The following UNC5C variants were observed in gnomAD, a reference collection of about 807,000 sequenced individuals.
The protein encoded by UNC5C is netrin receptor UNC5C.
A neutral mutation model predicts 99.8 loss-of-function variants in UNC5C; 47 were observed. The ratio of observed to expected loss-of-function variants is 0.47; its 90% CI spans 0.37 to 0.60. UNC5C has a LOEUF of 0.60. Ranked by LOEUF, UNC5C falls within the 20% of genes least tolerant of loss-of-function variation. UNC5C has a pLI of 0.00. For missense variants in UNC5C, 1,062 were observed against 1,165.9 expected (o/e 0.91, Z 1.30); for synonymous variants, 487 against 452.2 (o/e 1.08, Z -0.98).
intron 1 of UNC5C, among the ~76,000 whole-genome samples, chr4:95,459,084 T>C (rs1483622559): frequency 6.6e-6 from 1 of 152,112 alleles, no homozygotes; most frequent in Non-Finnish European, 1.5e-5. Flanking sequence ...GGGTTATTTG[T>C]CCACTACATC....
chr4:95,279,745 C>A (rs1740986454), intron 3 of UNC5C, among the ~76,000 whole-genome samples: 1 of 152,120 alleles, frequency 6.6e-6, no homozygotes, highest in South Asian at 2.1e-4. Flanking sequence ...CTGAAAGCAG[C>A]ATTGCAGTGG....
intron 12 of UNC5C, among the ~76,000 whole-genome samples, chr4:95,189,028 G>A (rs994853072): frequency 2.0e-5 from 3 of 152,200 alleles, no homozygotes; most frequent in Non-Finnish European, 4.4e-5. Context: ...TATATTTAAT[G>A]TCAGAAGATT....
At chr4:95,517,483 C>T (rs1379066582) in intron 1 of UNC5C, among the ~76,000 whole-genome samples, 5 of 152,072 alleles carry the variant, frequency 3.3e-5, no homozygotes, top group Admixed American at 6.5e-5. Flanking sequence ...AAAAACTGAA[C>T]CAATGCATGC....
At chr4:95,446,485 C>G (rs1747110528) in intron 1 of UNC5C, among the ~76,000 whole-genome samples, 1 of 152,050 alleles carries the variant, frequency 6.6e-6, no homozygotes, top group South Asian at 2.1e-4. Context: ...AAAGAAACTT[C>G]AGGGCGAGGA....
chr4:95,192,307 A>AC (rs1737166383), intron 12 of UNC5C, among the ~76,000 whole-genome samples: 1 of 23,464 alleles, frequency 4.3e-5, no homozygotes. Flanking sequence ...TCCCCTTCTC[A>AC]CCTCCTCCCC....
At chr4:95,290,926 T>A (rs983142370) in intron 3 of UNC5C, among the ~76,000 whole-genome samples, 11 of 152,204 alleles carry the variant, frequency 7.2e-5, no homozygotes, top group Non-Finnish European at 1.0e-4. Context: ...ATTTCTTCAG[T>A]CGTGCCAAGC....
In UNC5C at chr4:95,167,289, C is replaced by G. The variant is rs1182142090; in HGVS notation, c.*1945G>C. 2 of 152,180 alleles carry G rather than the reference C, an allele frequency of 1.3e-5. No homozygotes were observed. The highest frequency in any genetic ancestry group is 2.4e-5 in the African/African-American group (1 of 41,448). The allele number at this position is 152,180 out of a possible 1,614,324, so 9.4% of individuals were successfully genotyped here. A position where few individuals can be genotyped will look rare whatever the true frequency, so the allele number is the denominator to read the frequency against. On this transcript the variant is annotated 3_prime_UTR_variant, in exon 16 of 16. Coordinates refer to ENST00000453304, the MANE Select transcript of UNC5C (RefSeq NM_003728.4). Reference sequence around the variant, plus strand: ...TTGGTTTTGCTACTGGGCTTTGATTCTTTAATCCCCACCTGCTGAATGAAT... The same window carrying G: ...TTGGTTTTGCTACTGGGCTTTGATTGTTTAATCCCCACCTGCTGAATGAAT...
chr4:95,467,854 T>C (rs1191880011), intron 1 of UNC5C, among the ~76,000 whole-genome samples: 1 of 152,172 alleles, frequency 6.6e-6, no homozygotes, highest in East Asian at 1.9e-4. Context: ...TTATACTGTA[T>C]TTTTACAATA....
At chr4:95,393,902 C>T (rs957839973) in intron 1 of UNC5C, among the ~76,000 whole-genome samples, 12 of 148,794 alleles carry the variant, frequency 8.1e-5, no homozygotes, top group African/African-American at 3.0e-4. Flanking sequence ...CCTTTAGACA[C>T]AAAGCCTAGA....
intron 3 of UNC5C, among the ~76,000 whole-genome samples, chr4:95,287,301 A>C (rs977438956): frequency 6.6e-6 from 1 of 152,228 alleles, no homozygotes; most frequent in African/African-American, 2.4e-5. Flanking sequence ...TTTTTAATAA[A>C]TGTAAACCAA....
chr4:95,541,706 C>A (rs111304081), intron 1 of UNC5C, among the ~76,000 whole-genome samples: 119 of 151,764 alleles, frequency 7.8e-4, no homozygotes, highest in African/African-American at 2.6e-3. Context: ...GGATATATTT[C>A]TATTTATGGA....
chr4:95,427,498 A>G (rs1746516822), intron 1 of UNC5C, among the ~76,000 whole-genome samples: 1 of 152,190 alleles, frequency 6.6e-6, no homozygotes, highest in South Asian at 2.1e-4. Flanking sequence ...TGCCACAGTC[A>G]ACCCAGTCTT....
intron 7 of UNC5C, among the ~76,000 whole-genome samples, chr4:95,230,734 A>T (rs779188544): frequency 2.0e-5 from 3 of 151,656 alleles, no homozygotes; most frequent in Non-Finnish European, 4.4e-5. Flanking sequence ...GCTGACAACC[A>T]CTTGCTTCTG....
chr4:95,538,560 T>C (rs1162984457), intron 1 of UNC5C, among the ~76,000 whole-genome samples: 2 of 152,336 alleles, frequency 1.3e-5, no homozygotes, highest in East Asian at 3.9e-4. Context: ...TTTATTTTGC[T>C]GTTCTTAGCA....
rs188876408 is a variant in UNC5C at position 95,237,545 on chromosome 4, A to G, written c.1108+4884T>C. Among the ~76,000 whole-genome samples, 44 of 152,334 alleles carry G rather than the reference A, an allele frequency of 2.9e-4. 1 individual carries two copies. The highest frequency in any genetic ancestry group is 7.9e-4 in the African/African-American group (33 of 41,582). The stretch of plus-strand genomic sequence containing the variant: ...AACATGTCTTATCCAAACACTATCA[A>G]ACTGGTAAACAATTTAGAAAACTTT... On this transcript the variant is annotated intron_variant, in intron 7 of 15. Transcript: ENST00000453304.
Position 95,410,686 on chromosome 4 carries a change from G to A in UNC5C, c.125-75055C>T, listed in dbSNP as rs1447674262. On this transcript the variant is annotated intron_variant, in intron 1 of 15. Transcript: ENST00000453304. ...AAGTCAAGCCTCAGGCAGAAATCAG[G>A]GCAATTATTGAACAGATCTGGGGGC... 2.6e-5 allele frequency among the ~76,000 whole-genome samples: 4 copies of A among 152,188 alleles called. No individual in the cohort carries two copies. The East Asian group carries it at 5.8e-4, about 22-fold the overall frequency.
chr4:95,175,185 G>C (rs1736284269), intron 14 of UNC5C, among the ~76,000 whole-genome samples: 2 of 150,066 alleles, frequency 1.3e-5, no homozygotes, highest in African/African-American at 4.9e-5. Flanking sequence ...GATGGGTCTT[G>C]ACTCTTTATC....
chr4:95,197,961 A>AGGT (rs1737497952), intron 12 of UNC5C, among the ~76,000 whole-genome samples: 1 of 147,574 alleles, frequency 6.8e-6, no homozygotes, highest in Non-Finnish European at 1.5e-5. Context: ...AAACTGCAGC[A>AGGT]GGTTGAGGGA....
intron 3 of UNC5C, among the ~76,000 whole-genome samples, chr4:95,296,231 T>G (rs1391233828): frequency 6.6e-6 from 1 of 152,194 alleles, no homozygotes; most frequent in Admixed American, 6.5e-5. Flanking sequence ...TCTTTATGAG[T>G]CAATCTTTAC....
Sources: allele counts gnomAD v4.1 joint callset (sites outside exome capture counted in the v4.1 genomes callset), GRCh38; gene constraint gnomAD v4.1.1; transcripts MANE v1.5; gene names NCBI Gene and HGNC (gene_info 2026-07-23, HGNC 2026-07-21).